Variants in SLC14A2 observed in about 807,000 individuals in gnomAD.
SLC14A2 encodes the protein solute carrier family 14 member 2, also known as urea transporter 2.
Under a neutral mutation model 104.6 loss-of-function variants are expected in SLC14A2, and 91 were observed. That is an observed-to-expected ratio of 0.87 (90% CI 0.73 to 1.04). The LOEUF (loss-of-function observed/expected upper bound fraction) is 1.04. Among genes scored for constraint, SLC14A2 ranks in the 50% least tolerant of loss-of-function variants. SLC14A2 has a pLI of 0.00. For missense variants in SLC14A2, 1,189 were observed against 1,156.0 expected, an observed-to-expected ratio of 1.03 and a Z score of -0.41; for synonymous variants, 476 against 466.4, an observed-to-expected ratio of 1.02 and a Z score of -0.27.
intron 1 of SLC14A2, among the ~76,000 whole-genome samples, chr18:45,421,308 A>G (rs1598786278): frequency 6.6e-6 from 1 of 151,708 alleles, no homozygotes; most frequent in Non-Finnish European, 1.5e-5. Context: ...CAAAGCAATC[A>G]ACTTGTTTTT....
the SLC14A2 span, among the ~76,000 whole-genome samples, chr18:45,178,294 G>T: frequency 6.6e-6 from 1 of 152,168 alleles, no homozygotes; most frequent in East Asian, 1.9e-4. Flanking sequence ...TTAAGCACTA[G>T]AATTCAGTCT....
chr18:45,467,071 T>G (rs1257671807), intron 1 of SLC14A2, among the ~76,000 whole-genome samples: 1 of 152,108 alleles, frequency 6.6e-6, no homozygotes, highest in African/African-American at 2.4e-5. Context: ...CCCACAGTGA[T>G]GCTGAGTGTA....
chr18:45,669,551 G>A (rs1219681695), intron 16 of SLC14A2, 53 bp downstream of exon 16: 3 of 1,449,718 alleles, frequency 2.1e-6, no homozygotes, highest in Non-Finnish European at 9.5e-7. Context: ...GATGTTACTG[G>A]CATTTGCATA....
At chr18:45,360,067 G>A (rs772237087) in intron 1 of SLC14A2, among the ~76,000 whole-genome samples, 8 of 152,168 alleles carry the variant, frequency 5.3e-5, no homozygotes, top group Non-Finnish European at 1.0e-4. Context: ...GCTGTACTCA[G>A]CTCCGGACTT....
At chr18:45,415,689 G>C (rs1411836603) in intron 1 of SLC14A2, among the ~76,000 whole-genome samples, 2 of 152,158 alleles carry the variant, frequency 1.3e-5, no homozygotes, top group Non-Finnish European at 2.9e-5. Flanking sequence ...AATGAGAAAA[G>C]CCTTGCTACC....
chr18:45,458,145 A>G (rs1568216387), intron 1 of SLC14A2, among the ~76,000 whole-genome samples: 1 of 152,262 alleles, frequency 6.6e-6, no homozygotes, highest in Non-Finnish European at 1.5e-5. Context: ...TGCCTGCCCA[A>G]GGGAAGCACT....
intron 14 of SLC14A2, 41 bp downstream of exon 14, chr18:45,668,063 A>T: frequency 1.9e-6 from 3 of 1,578,390 alleles, no homozygotes; most frequent in Non-Finnish European, 2.6e-6. Flanking sequence ...GTAGCCAAGA[A>T]GTCACTCCCC....
At chr18:45,554,527 G>A (rs2044103474) in intron 2 of SLC14A2, among the ~76,000 whole-genome samples, 1 of 152,154 alleles carries the variant, frequency 6.6e-6, no homozygotes, top group Non-Finnish European at 1.5e-5. Flanking sequence ...TTGTTGGCAA[G>A]CAACGGGAGC....
chr18:45,462,722 C>A (rs1052827145), intron 1 of SLC14A2, among the ~76,000 whole-genome samples: 1 of 152,090 alleles, frequency 6.6e-6, no homozygotes, highest in Non-Finnish European at 1.5e-5. Context: ...CACTTGAATC[C>A]CAGTTCTACA....
At chr18:45,220,392 T>G (rs1259998878) in intron 1 of SLC14A2, among the ~76,000 whole-genome samples, 1 of 152,212 alleles carries the variant, frequency 6.6e-6, no homozygotes, top group Non-Finnish European at 1.5e-5. Context: ...AAGTCAGTTT[T>G]GTCATTACTT....
chr18:45,556,313 G>A (rs1031279616), intron 2 of SLC14A2, among the ~76,000 whole-genome samples: 6 of 152,102 alleles, frequency 3.9e-5, no homozygotes, highest in African/African-American at 1.4e-4. Flanking sequence ...ATATTTTAGT[G>A]TTTTACCCTG....
intron 1 of SLC14A2, among the ~76,000 whole-genome samples, chr18:45,282,387 G>A (rs75710894): frequency 0.017 from 2,602 of 152,202 alleles, 55 homozygotes; most frequent in East Asian, 0.066. Flanking sequence ...TAAGAATTGG[G>A]GGACTGTCCC....
chr18:45,600,309 G>A (rs867791744), intron 2 of SLC14A2, among the ~76,000 whole-genome samples: 12 of 151,812 alleles, frequency 7.9e-5, no homozygotes, highest in Non-Finnish European at 1.6e-4. Flanking sequence ...GACCATCACG[G>A]GAACCCAGGG....
intron 2 of SLC14A2, among the ~76,000 whole-genome samples, chr18:45,539,930 T>C (rs2043859877): frequency 6.6e-6 from 1 of 151,910 alleles, no homozygotes; most frequent in Non-Finnish European, 1.5e-5. Context: ...CAGTAATGTC[T>C]GTATCTCATG....
At chr18:45,477,640 C>CTA (rs1598884522) in intron 1 of SLC14A2, among the ~76,000 whole-genome samples, 1 of 152,154 alleles carries the variant, frequency 6.6e-6, no homozygotes, top group East Asian at 1.9e-4. Context: ...ATCTATAAGC[C>CTA]CATGACTGGG....
At chr18:45,188,175 G>T in the SLC14A2 span, among the ~76,000 whole-genome samples, 1 of 152,118 alleles carries the variant, frequency 6.6e-6, no homozygotes, top group Non-Finnish European at 1.5e-5. Flanking sequence ...AGGATGAAGA[G>T]TTAGTGTTGG....
At chr18:45,562,985 T>C (rs1319673141) in intron 2 of SLC14A2, among the ~76,000 whole-genome samples, 2 of 152,238 alleles carry the variant, frequency 1.3e-5, no homozygotes, top group African/African-American at 4.8e-5. Context: ...TTTTTATAGT[T>C]CCTCGGGGCT....
At chr18:45,282,349 A>G (rs966469754) in intron 1 of SLC14A2, among the ~76,000 whole-genome samples, 2 of 152,146 alleles carry the variant, frequency 1.3e-5, no homozygotes, top group East Asian at 3.9e-4. Context: ...AGTTCTCTGG[A>G]TTGTTTTTCT....
chr18:45,171,808 A>G, the SLC14A2 span, among the ~76,000 whole-genome samples: 4 of 149,904 alleles, frequency 2.7e-5, no homozygotes, highest in Non-Finnish European at 4.5e-5. Context: ...AAAGCTAAGT[A>G]GTGAAATTCT....
Sources: gnomAD v4.1 joint callset for allele counts (sites outside exome capture counted in the v4.1 genomes callset) on GRCh38, gnomAD v4.1.1 for gene constraint, MANE v1.5 for transcripts, NCBI Gene and HGNC (gene_info 2026-07-23, HGNC 2026-07-21) for gene names.